The following ZFAND3 variants were observed in gnomAD, a reference collection of about 807,000 sequenced individuals.
ZFAND3 encodes AN1-type zinc finger protein 3.
In ZFAND3, 10 loss-of-function variants were observed where a neutral mutation model predicts 29.6. The observed-to-expected ratio is 0.34, with a 90% confidence interval of 0.21 to 0.57. The LOEUF is 0.57. Ranked by LOEUF, ZFAND3 falls within the 20% of genes least tolerant of loss-of-function variation. The pLI is 0.86. For missense variants in ZFAND3, 230 were observed against 304.5 expected, an observed-to-expected ratio of 0.76 and a Z score of 1.82; for synonymous variants, 128 against 112.6, an observed-to-expected ratio of 1.14 and a Z score of -0.87.
Position 37,884,255 on chromosome 6 carries a change from C to T in ZFAND3, c.72-45704C>T, listed in dbSNP as rs976886327. On this transcript the variant is annotated intron_variant, in intron 1 of 5. Coordinates refer to ENST00000287218, the MANE Select transcript of ZFAND3 (RefSeq NM_021943.3). ...ACGCCTGTAATCCCAGCACTTTGGG[C>T]GGCTGAGGTGGGTGGATCACCTGAG... Among the ~76,000 whole-genome samples, 12 of 144,260 alleles carry T rather than the reference C, an allele frequency of 8.3e-5. 2 individuals are homozygous for T. The highest frequency in any genetic ancestry group is 3.1e-4 in the African/African-American group (11 of 35,498). 94.6% of individuals were successfully genotyped at this position (144,260 alleles called of 152,430 possible). A position where few individuals can be genotyped will look rare whatever the true frequency, so the allele number is the denominator to read the frequency against.
At chr6:38,069,435 T>C (rs1265699249) in intron 3 of ZFAND3, among the ~76,000 whole-genome samples, 4 of 152,212 alleles carry the variant, frequency 2.6e-5, no homozygotes, top group African/African-American at 9.6e-5. Flanking sequence ...TTTTCCGATA[T>C]ATAATAGTCT....
intron 1 of ZFAND3, among the ~76,000 whole-genome samples, chr6:37,868,847 T>A (rs1328584048): frequency 6.6e-6 from 1 of 152,236 alleles, no homozygotes; most frequent in Non-Finnish European, 1.5e-5. Flanking sequence ...GTGTTATGCT[T>A]GCCTCAAAAT....
chr6:38,087,152 C>CT (rs1764773483), intron 4 of ZFAND3, among the ~76,000 whole-genome samples: 1 of 152,166 alleles, frequency 6.6e-6, no homozygotes, highest in African/African-American at 2.4e-5. Flanking sequence ...AAGTATGAAA[C>CT]TAGACCCCTG....
chr6:38,096,839 C>T (rs539583076), intron 4 of ZFAND3, among the ~76,000 whole-genome samples: 2 of 151,510 alleles, frequency 1.3e-5, no homozygotes, highest in South Asian at 2.1e-4. Flanking sequence ...GATTTTTTTT[C>T]GTAATGTTCT....
chr6:37,837,080 C>T (rs1369978677), intron 1 of ZFAND3, among the ~76,000 whole-genome samples: 1 of 152,080 alleles, frequency 6.6e-6, no homozygotes, highest in South Asian at 2.1e-4. Flanking sequence ...CCCCCTCCCC[C>T]GTATAGGTTG....
intron 2 of ZFAND3, among the ~76,000 whole-genome samples, chr6:38,035,086 C>T (rs1196964780): frequency 1.3e-5 from 2 of 150,940 alleles, no homozygotes; most frequent in Non-Finnish European, 3.0e-5. Context: ...TAAATATAGG[C>T]CTGCTTTTCT....
chr6:38,007,733 G>A (rs1388774634), intron 2 of ZFAND3, among the ~76,000 whole-genome samples: 1 of 152,136 alleles, frequency 6.6e-6, no homozygotes, highest in East Asian at 1.9e-4. Context: ...CCACAGAGGG[G>A]TATTTTTAAT....
chr6:37,887,125 G>A (rs1765009368), intron 1 of ZFAND3, among the ~76,000 whole-genome samples: 1 of 152,212 alleles, frequency 6.6e-6, no homozygotes, highest in Non-Finnish European at 1.5e-5. Flanking sequence ...AATGAAGTAA[G>A]AAGTGTTGTG....
chr6:38,071,154 T>A (rs1764447692), intron 3 of ZFAND3, among the ~76,000 whole-genome samples: 1 of 151,888 alleles, frequency 6.6e-6, no homozygotes, highest in Non-Finnish European at 1.5e-5. Flanking sequence ...TTGTTACATA[T>A]ATTGCCAGTT....
intron 5 of ZFAND3, among the ~76,000 whole-genome samples, chr6:38,126,805 T>C (rs1581940850): frequency 7.0e-6 from 1 of 143,006 alleles, no homozygotes; most frequent in African/African-American, 2.7e-5. Flanking sequence ...TGTCTCTCTA[T>C]TTAGGTGTTT....
chr6:37,873,101 C>CA (rs369148005), intron 1 of ZFAND3, among the ~76,000 whole-genome samples: 141 of 148,544 alleles, frequency 9.5e-4, no homozygotes, highest in African/African-American at 2.6e-3. Context: ...TACTTAAAAA[C>CA]AAAAAAAACC....
chr6:38,104,656 A>C lies in ZFAND3; in HGVS notation c.362-11916A>C, dbSNP rs531141502. The stretch of plus-strand genomic sequence containing the variant: ...AGAGAGTTAGCAGGAGTGGAAAGAA[A>C]ATCATGTGAGAAGTCTTATAAATCA... On this transcript the variant is annotated intron_variant, in intron 4 of 5. Coordinates refer to ENST00000287218, the MANE Select transcript of ZFAND3 (RefSeq NM_021943.3). 1.8e-4 allele frequency among the ~76,000 whole-genome samples: 27 copies of C among 152,334 alleles called. No individual in the cohort carries two copies. The South Asian group carries it at 4.1e-3, about 23-fold the overall frequency.
chr6:37,886,219 C>T (rs112022679), intron 1 of ZFAND3, among the ~76,000 whole-genome samples: 19 of 111,602 alleles, frequency 1.7e-4, no homozygotes, highest in African/African-American at 5.1e-4. Flanking sequence ...GCCTAGGCTA[C>T]AGAGCGAGAC....
rs35362297 is a variant in ZFAND3, at chr6:38,010,904, C to CTTT, written c.113-50671_113-50669dup. Among the ~76,000 whole-genome samples, 2,312 of 131,034 alleles carry CTTT rather than the reference C, an allele frequency of 0.018. 202 individuals carry two copies. The East Asian group carries it at 0.27, about 15-fold the overall frequency. The allele number at this position is 131,034 out of a possible 152,430, so 86.0% of individuals were successfully genotyped here. ...GTTTGAGCCACTGCGCCCGGCCCAACTTTTTTTTTTTTTTTTTTTTAAAGA... is the reference window on the plus strand; with the variant it reads ...GTTTGAGCCACTGCGCCCGGCCCAACTTTTTTTTTTTTTTTTTTTTTTTAAAGA... On this transcript the variant is annotated intron_variant, in intron 2 of 5. Coordinates refer to ENST00000287218, the MANE Select transcript of ZFAND3 (RefSeq NM_021943.3).
intron 5 of ZFAND3, among the ~76,000 whole-genome samples, chr6:38,133,645 G>A (rs531923434): frequency 6.6e-6 from 1 of 152,002 alleles, no homozygotes; most frequent in South Asian, 2.1e-4. Flanking sequence ...AGCTACTCGG[G>A]AGGCTGAGGC....
chr6:37,835,991 T>C (rs1013627243), intron 1 of ZFAND3, among the ~76,000 whole-genome samples: 1 of 152,220 alleles, frequency 6.6e-6, no homozygotes, highest in Non-Finnish European at 1.5e-5. Flanking sequence ...TTAGGGCTTA[T>C]GGACAATCTA....
intron 1 of ZFAND3, among the ~76,000 whole-genome samples, chr6:37,846,780 C>T (rs557748251): frequency 1.8e-4 from 27 of 150,316 alleles, no homozygotes; most frequent in East Asian, 7.8e-4. Flanking sequence ...GGCGTGATCT[C>T]GGCTCACTGC....
At chr6:37,903,840 A>G (rs917071976) in intron 1 of ZFAND3, among the ~76,000 whole-genome samples, 13 of 152,342 alleles carry the variant, frequency 8.5e-5, no homozygotes, top group African/African-American at 3.1e-4. Context: ...ATTCTAAACA[A>G]TAGTCCCTTT....
At chr6:37,954,621 G>A (rs1176836386) in intron 2 of ZFAND3, among the ~76,000 whole-genome samples, 2 of 151,764 alleles carry the variant, frequency 1.3e-5, no homozygotes, top group African/African-American at 2.4e-5. Context: ...GCCAGTTCTG[G>A]GTTAGTTTTG....
Sources: gnomAD v4.1 joint callset for allele counts (sites outside exome capture counted in the v4.1 genomes callset) on GRCh38, gnomAD v4.1.1 for gene constraint, MANE v1.5 for transcripts, NCBI Gene and HGNC (gene_info 2026-07-23, HGNC 2026-07-21) for gene names.